MICU1: variants seen among roughly 807,000 people sequenced by gnomAD.
MICU1 encodes the protein mitochondrial calcium uptake 1.
In MICU1, 45 loss-of-function variants were observed where a neutral mutation model predicts 56.8. That is an observed-to-expected ratio of 0.79 (90% confidence interval 0.62 to 1.02). MICU1 has a LOEUF of 1.02. Among genes scored for constraint, MICU1 ranks in the 50% least tolerant of loss-of-function variants. The pLI, the probability that MICU1 is intolerant of heterozygous loss-of-function variation, is 0.00. For missense variants in MICU1, 504 were observed against 587.1 expected, an observed-to-expected ratio of 0.86 and a Z score of 1.46; for synonymous variants, 186 against 195.1, an observed-to-expected ratio of 0.95 and a Z score of 0.39.
At chr10:72,591,066 G>A (rs772007404) in intron 1 of MICU1, among the ~76,000 whole-genome samples, 85 of 152,086 alleles carry the variant, frequency 5.6e-4, no homozygotes, top group African/African-American at 2.0e-3. Context: ...ACACGATAAA[G>A]TTAGAAATCA....
intron 1 of MICU1, among the ~76,000 whole-genome samples, chr10:72,574,598 T>C (rs1336331581): frequency 6.6e-6 from 1 of 152,184 alleles, no homozygotes; most frequent in African/African-American, 2.4e-5. Context: ...TTGGACATTA[T>C]GCAGGTTTTT....
intron 6 of MICU1, among the ~76,000 whole-genome samples, chr10:72,497,769 A>T (rs1343561577): frequency 6.6e-6 from 1 of 152,232 alleles, no homozygotes; most frequent in East Asian, 1.9e-4. Context: ...TCCACTTGAC[A>T]CTGTAATCAA....
At chr10:72,568,105 C>T (rs1362773870) in intron 1 of MICU1, among the ~76,000 whole-genome samples, 3 of 151,932 alleles carry the variant, frequency 2.0e-5, no homozygotes, top group Non-Finnish European at 2.9e-5. Flanking sequence ...TTTGCTGCCC[C>T]CTACCTTATA....
At chr10:72,553,616 G>C (rs1363055426) in intron 3 of MICU1, among the ~76,000 whole-genome samples, 2 of 152,016 alleles carry the variant, frequency 1.3e-5, no homozygotes, top group Non-Finnish European at 2.9e-5. Context: ...GGAATGTTTG[G>C]GGTATATGAG....
At chr10:72,420,762 C>A (rs1387608452) in intron 9 of MICU1, among the ~76,000 whole-genome samples, 7 of 151,596 alleles carry the variant, frequency 4.6e-5, no homozygotes, top group Non-Finnish European at 8.8e-5. Flanking sequence ...GCAGCTTCAA[C>A]CTCCCCAGGC....
chr10:72,374,147 G>A (rs1262582954), intron 11 of MICU1, among the ~76,000 whole-genome samples: 2 of 152,148 alleles, frequency 1.3e-5, no homozygotes, highest in African/African-American at 4.8e-5. Flanking sequence ...TTGAGACAGG[G>A]TCTCACTCTG....
intron 4 of MICU1, among the ~76,000 whole-genome samples, chr10:72,536,072 G>A (rs932994647): frequency 6.6e-6 from 1 of 152,092 alleles, no homozygotes; most frequent in Non-Finnish European, 1.5e-5. Context: ...GGGGAAATGG[G>A]AGGGACTAGA....
intron 8 of MICU1, among the ~76,000 whole-genome samples, chr10:72,472,401 G>A (rs1051430047): frequency 2.6e-5 from 4 of 152,146 alleles, no homozygotes; most frequent in Admixed American, 2.6e-4. Flanking sequence ...CTAGGCTGAT[G>A]TGTCACATTC....
chr10:72,450,969 G>GCCT (rs954243261), intron 8 of MICU1, among the ~76,000 whole-genome samples: 99 of 150,660 alleles, frequency 6.6e-4, no homozygotes, highest in African/African-American at 2.4e-3. Context: ...GCCTGCCTTG[G>GCCT]CCTCCCAAAG....
intron 1 of MICU1, chr10:72,582,695 A>T (rs925276102): frequency 1.3e-5 from 2 of 151,872 alleles, no homozygotes; most frequent in Non-Finnish European, 2.9e-5. Context: ...TGGGAAGATC[A>T]CTTGTGCCCA....
chr10:72,504,275 AGAC>A lies in MICU1; in HGVS notation c.652+3877_652+3879del, dbSNP rs931519915. ...AACAGCATGGTCCTGGTACAAAAACAGACACATAGACCAATGGAATAGAACAGA... is the reference window on the plus strand; with the variant it reads ...AACAGCATGGTCCTGGTACAAAAACAACATAGACCAATGGAATAGAACAGA... On this transcript the variant is annotated intron_variant, in intron 6 of 11. Coordinates refer to ENST00000361114, the MANE Select transcript of MICU1 (RefSeq NM_001195518.2). Among the ~76,000 whole-genome samples the A allele has an allele frequency of 5.7e-4, 87 of 152,340 alleles. 1 individual carries two copies. The South Asian group carries it at 6.2e-3, about 11-fold the overall frequency.
intron 6 of MICU1, among the ~76,000 whole-genome samples, chr10:72,484,272 G>A (rs1866393116): frequency 1.3e-5 from 2 of 152,062 alleles, no homozygotes; most frequent in South Asian, 4.1e-4. Flanking sequence ...TCCTTAGTGG[G>A]AGAACAAGAC....
chr10:72,403,103 C>T (rs955782936), intron 10 of MICU1, among the ~76,000 whole-genome samples: 2 of 152,054 alleles, frequency 1.3e-5, no homozygotes, highest in Non-Finnish European at 2.9e-5. Flanking sequence ...TGGGGCCGGG[C>T]GCGGTGGCTG....
In MICU1 at chr10:72,475,263, C is replaced by G; in HGVS notation, c.770G>C (p.Gly257Ala). The G allele has an allele frequency of 1.2e-6, 2 of 1,608,708 alleles. No individual in the cohort carries two copies. Among genetic ancestry groups the G allele is most frequent in the Non-Finnish European group, 1.7e-6 (2 of 1,177,292 alleles). The change falls in exon 8 of 12, where the codon GGT (glycine) becomes GCT (alanine). Residue 257 changes from glycine (G) to alanine (A), a missense_variant. Coordinates refer to ENST00000361114, the MANE Select transcript of MICU1 (RefSeq NM_001195518.2). ...AGTTGGACGATCTCTGTGGCGCATACCCATACTGGTTTGGGAGCGAATGAT... is the reference window on the plus strand; with the variant it reads ...AGTTGGACGATCTCTGTGGCGCATAGCCATACTGGTTTGGGAGCGAATGAT... ...QSIIRSQTSMGMRHRDRPTTG... is the reference protein window; with the variant it reads ...QSIIRSQTSMAMRHRDRPTTG...
intron 4 of MICU1, among the ~76,000 whole-genome samples, chr10:72,535,026 T>TTTTATTTTATTTA (rs1839595745): frequency 7.4e-6 from 1 of 134,746 alleles, no homozygotes; most frequent in African/African-American, 3.3e-5. Flanking sequence ...TTTTATTTTA[T>TTTTATTTTATTTA]TTTATTTTAT....
intron 1 of MICU1, among the ~76,000 whole-genome samples, chr10:72,592,327 A>G (rs1841251300): frequency 6.6e-6 from 1 of 151,590 alleles, no homozygotes; most frequent in Admixed American, 6.6e-5. Flanking sequence ...GTTTCAAGGA[A>G]AAAAAAAAGA....
At chr10:72,512,104 TTTG>T (rs1411904842) in intron 5 of MICU1, among the ~76,000 whole-genome samples, 83 of 84,088 alleles carry the variant, frequency 9.9e-4, no homozygotes, top group African/African-American at 3.5e-3. Flanking sequence ...ACAGTTGTTT[TTTG>T]TTTTTTTTTT....
At position 72,562,986 on chromosome 10, in the gene MICU1, C is replaced by G. The variant is rs1840337677; in HGVS notation, c.239G>C (p.Gly80Ala). ...IGDKGKNKDE[G>A]DVCNHEKKTA... Reference sequence around the variant, plus strand: ...CTTTTTCTCATGGTTACAAACATCCCCTTCATCTTTATTCTTCCCTTTATC... The same window carrying G: ...CTTTTTCTCATGGTTACAAACATCCGCTTCATCTTTATTCTTCCCTTTATC... The change falls in exon 3 of 12, where the codon GGG becomes GCG. Residue 80 changes from glycine to alanine, a missense_variant. By Grantham distance (60) the Gly-to-Ala change is moderately conservative. Transcript: ENST00000361114. The G allele has an allele frequency of 1.2e-6, 2 of 1,609,244 alleles. No homozygotes were observed. The highest frequency in any genetic ancestry group is 4.5e-5 in the East Asian group (2 of 44,770).
intron 8 of MICU1, among the ~76,000 whole-genome samples, chr10:72,458,142 G>A (rs1315389379): frequency 6.6e-6 from 1 of 151,152 alleles, no homozygotes; most frequent in Non-Finnish European, 1.5e-5. Context: ...CTCCAGCCTG[G>A]GCAACAAGAG....
Sources: allele counts gnomAD v4.1 joint callset (sites outside exome capture counted in the v4.1 genomes callset), GRCh38; gene constraint gnomAD v4.1.1; transcripts MANE v1.5; gene names NCBI Gene and HGNC (gene_info 2026-07-23, HGNC 2026-07-21).